WDR59: variants seen among roughly 807,000 people sequenced by gnomAD.
The protein encoded by WDR59 is WD repeat domain 59.
In WDR59, 100 loss-of-function variants were observed where a neutral mutation model predicts 131.2. The ratio of observed to expected loss-of-function variants is 0.76; its 90% CI spans 0.65 to 0.90. The LOEUF (loss-of-function observed/expected upper bound fraction) is 0.90, where lower values mean the gene tolerates loss of function less well. WDR59 is among the 40% of genes least tolerant of loss of function. WDR59 has a pLI of 0.00. For missense variants in WDR59, 1,203 were observed against 1,262.2 expected, an observed-to-expected ratio of 0.95 and a Z score of 0.71; for synonymous variants, 601 against 466.2, an observed-to-expected ratio of 1.29 and a Z score of -3.72.
intron 3 of WDR59, among the ~76,000 whole-genome samples, chr16:74,956,064 G>C (rs568981552): frequency 1.3e-5 from 2 of 152,090 alleles, no homozygotes; most frequent in Non-Finnish European, 2.9e-5. Context: ...AGAAGGGTAG[G>C]GGGAGTCTTC....
At chr16:74,976,927 A>G (rs1419834136) in intron 1 of WDR59, among the ~76,000 whole-genome samples, 1 of 152,172 alleles carries the variant, frequency 6.6e-6, no homozygotes, top group Non-Finnish European at 1.5e-5. Flanking sequence ...GGATCATTTG[A>G]GCCCAGGAGG....
rs1292365575 is a variant in WDR59, at chr16:74,968,503, CTGAGG to C, written c.55-2686_55-2682del. Among the ~76,000 whole-genome samples the C allele has an allele frequency of 1.4e-4, 22 of 152,212 alleles. No homozygotes were observed. In the East Asian group the frequency reaches 4.1e-3, roughly 28 times the overall value. On this transcript the variant is annotated intron_variant, in intron 1 of 25. Transcript: ENST00000262144. ...TGGGAGGCCGAGGCAGGCGGATCAC[CTGAGG>C]TAAGGAGTTCAAGACCAGCCTGGCC...
In WDR59 at chr16:74,923,941, C is replaced by G. The variant is rs2030517582; in HGVS notation, c.714G>C (p.Trp238Cys). The change falls in exon 9 of 26, where the codon TGG (tryptophan) becomes TGC (cysteine). Residue 238 changes from tryptophan (W) to cysteine (C), a missense_variant. Trp to Cys is a radical substitution (Grantham distance 215). Coordinates refer to ENST00000262144, the MANE Select transcript of WDR59 (RefSeq NM_030581.4). ...LNILPCQVPVWKARYTPFSNG... is the reference protein window; with the variant it reads ...LNILPCQVPVCKARYTPFSNG... ...GCTCACTCACTGTGTATCTGGCCTT[C>G]CAGACAGGCACCTGGCAAGGAAGAA... The G allele has an allele frequency of 6.2e-7, 1 of 1,613,410 alleles. No homozygotes were observed. Among genetic ancestry groups the G allele is most frequent in the Admixed American group, 1.7e-5 (1 of 59,944 alleles).
chr16:74,926,082 G>A (rs2030776600), intron 8 of WDR59, among the ~76,000 whole-genome samples: 2 of 146,930 alleles, frequency 1.4e-5, no homozygotes, highest in African/African-American at 5.0e-5. Context: ...TTTTTGAGAG[G>A]GAATTTTGCT....
intron 8 of WDR59, among the ~76,000 whole-genome samples, chr16:74,935,659 T>G (rs757125483): frequency 7.2e-5 from 11 of 152,206 alleles, no homozygotes; most frequent in Non-Finnish European, 1.2e-4. Context: ...ACTAAAAAAA[T>G]GGTTGAATGT....
rs576788863 is a variant in WDR59, at chr16:74,970,285, T to A, written c.55-4463A>T. Among the ~76,000 whole-genome samples the A allele has an allele frequency of 5.0e-4, 76 of 152,098 alleles. 1 individual carries two copies. The highest frequency in any genetic ancestry group is 1.8e-3 in the African/African-American group (75 of 41,534). On this transcript the variant is annotated intron_variant, in intron 1 of 25. Transcript: ENST00000262144. ...TTCTAGCAGTACCATGCTGTTTGAG[T>A]TACCACAGCCTTGTAGTATAATTTA...
chr16:74,875,081 TC>T (rs1964144137), intron 25 of WDR59, among the ~76,000 whole-genome samples: 1 of 152,178 alleles, frequency 6.6e-6, no homozygotes, highest in Non-Finnish European at 1.5e-5. Flanking sequence ...TGAACAGGTA[TC>T]AGCTGAAAGA....
chr16:74,880,396 G>C (rs1241001315), intron 25 of WDR59, among the ~76,000 whole-genome samples: 1 of 152,100 alleles, frequency 6.6e-6, no homozygotes, highest in Admixed American at 6.5e-5. Flanking sequence ...GCAGTGAGCC[G>C]AGATCGCGCC....
chr16:74,909,753 A>G, intron 15 of WDR59, 69 bp downstream of exon 15: 2 of 1,581,758 alleles, frequency 1.3e-6, no homozygotes, highest in Admixed American at 3.7e-5. Flanking sequence ...AAAACCCATG[A>G]TTTTAGGGAG....
At chr16:74,977,924 G>A (rs78016548) in intron 1 of WDR59, among the ~76,000 whole-genome samples, 2,831 of 152,222 alleles carry the variant, frequency 0.019, 93 homozygotes, top group African/African-American at 0.064. Context: ...AGCAAAAGAC[G>A]CCAGGTAGGG....
intron 21 of WDR59, among the ~76,000 whole-genome samples, chr16:74,888,833 G>A (rs976673526): frequency 1.3e-5 from 2 of 152,220 alleles, no homozygotes; most frequent in African/African-American, 2.4e-5. Context: ...TATTAGGTAA[G>A]AACAACAAGG....
chr16:74,941,671 G>A (rs757172771), intron 7 of WDR59, among the ~76,000 whole-genome samples: 15 of 146,738 alleles, frequency 1.0e-4, no homozygotes, highest in Non-Finnish European at 1.3e-4. Flanking sequence ...CAGCCTGGAC[G>A]ACAGAATGAG....
chr16:74,879,698 C>T (rs917936379), intron 25 of WDR59, among the ~76,000 whole-genome samples: 3 of 151,852 alleles, frequency 2.0e-5, no homozygotes, highest in Admixed American at 2.0e-4. Flanking sequence ...TTCTAATTAC[C>T]TTCAGGAGAA....
At chr16:74,965,852 C>A in intron 1 of WDR59, 30 bp from the exon 2 acceptor site, 1 of 1,613,706 alleles carries the variant, frequency 6.2e-7, no homozygotes, top group Non-Finnish European at 8.5e-7. Context: ...GTCAGTGCTG[C>A]CAGCAAACCC....
chr16:74,874,513 C>T, intron 25 of WDR59, 69 bp from the exon 26 acceptor site: 7 of 1,396,842 alleles, frequency 5.0e-6, no homozygotes, highest in Non-Finnish European at 3.0e-6. Context: ...GAAACTGGGG[C>T]TTGCCAGGAA....
intron 11 of WDR59, among the ~76,000 whole-genome samples, chr16:74,917,014 T>A (rs1198325771): frequency 6.6e-6 from 1 of 152,146 alleles, no homozygotes; most frequent in Non-Finnish European, 1.5e-5. Flanking sequence ...TATCCAGTAT[T>A]TTCTATTCAT....
chr16:74,929,574 G>T (rs2031196375), intron 8 of WDR59, among the ~76,000 whole-genome samples: 1 of 152,198 alleles, frequency 6.6e-6, no homozygotes, highest in East Asian at 1.9e-4. Flanking sequence ...CTCATACACT[G>T]TTGGTAGGAA....
At position 74,917,917 on chromosome 16, in the gene WDR59, C is replaced by T. The variant is rs200660087; in HGVS notation, c.966+12G>A. ...TCAGGTACATTTCTCCACAATAGCA[C>T]TGCATACATACCCTCTGCATCTGGG... On this transcript the variant is annotated intron_variant, in intron 11 of 25. Transcript: ENST00000262144. The T allele has an allele frequency of 3.1e-6, 5 of 1,609,770 alleles. No homozygotes were observed. In the East Asian group the frequency reaches 1.1e-4, roughly 36 times the overall value.
chr16:74,958,918 G>T (rs980131444), intron 2 of WDR59, among the ~76,000 whole-genome samples: 2 of 151,964 alleles, frequency 1.3e-5, no homozygotes, highest in East Asian at 1.9e-4. Flanking sequence ...AATTAGCCAG[G>T]CATGGTGGTG....
Sources: gnomAD v4.1 joint callset for allele counts (sites outside exome capture counted in the v4.1 genomes callset) on GRCh38, gnomAD v4.1.1 for gene constraint, MANE v1.5 for transcripts, NCBI Gene and HGNC (gene_info 2026-07-23, HGNC 2026-07-21) for gene names.